The following PIGK variants were observed in gnomAD, a reference collection of about 807,000 sequenced individuals.
PIGK encodes the protein phosphatidylinositol glycan anchor biosynthesis class K.
Under a neutral mutation model 50.6 loss-of-function variants are expected in PIGK, and 42 were observed. The observed-to-expected ratio is 0.83, with a 90% CI of 0.65 to 1.07. The LOEUF (loss-of-function observed/expected upper bound fraction) is 1.07. PIGK is among the 50% of genes least tolerant of loss of function. The pLI is 0.00. For synonymous variants in PIGK, 151 were observed against 156.0 expected, an observed-to-expected ratio of 0.97 and a Z score of 0.24; for missense variants, 448 against 488.7, an observed-to-expected ratio of 0.92 and a Z score of 0.78.
At chr1:77,218,319 G>A (rs1470375484) in intron 1 of PIGK, among the ~76,000 whole-genome samples, 1 of 152,232 alleles carries the variant, frequency 6.6e-6, no homozygotes, top group African/African-American at 2.4e-5. Flanking sequence ...AGGGAGTATG[G>A]AGGCCTATGG....
chr1:77,155,408 A>G (rs1654985709), intron 8 of PIGK, among the ~76,000 whole-genome samples: 1 of 152,242 alleles, frequency 6.6e-6, no homozygotes, highest in African/African-American at 2.4e-5. Context: ...TCTATTACAT[A>G]GAATTCATAC....
chr1:77,136,513 G>A (rs965424354), intron 9 of PIGK, among the ~76,000 whole-genome samples: 8 of 144,924 alleles, frequency 5.5e-5, no homozygotes, highest in African/African-American at 1.8e-4. Context: ...TGGGCGACTG[G>A]GCGACAGAGC....
At chr1:77,172,128 C>T (rs983388229) in intron 3 of PIGK, among the ~76,000 whole-genome samples, 1 of 134,024 alleles carries the variant, frequency 7.5e-6, no homozygotes, top group Non-Finnish European at 1.6e-5. Context: ...CAAACTAAAA[C>T]GGCCTGATAA....
intron 10 of PIGK, among the ~76,000 whole-genome samples, chr1:77,112,971 A>T (rs1653887056): frequency 6.6e-6 from 1 of 152,096 alleles, no homozygotes; most frequent in East Asian, 1.9e-4. Flanking sequence ...AATATATCAG[A>T]TGCTATGTGA....
intron 10 of PIGK, among the ~76,000 whole-genome samples, chr1:77,110,959 C>T (rs139629465): frequency 0.037 from 5,659 of 152,242 alleles, 203 homozygotes; most frequent in South Asian, 0.2. Flanking sequence ...TATGAACAGA[C>T]ACTTCTCAAA....
At chr1:77,182,690 T>C (rs1209566144) in intron 3 of PIGK, among the ~76,000 whole-genome samples, 4 of 152,182 alleles carry the variant, frequency 2.6e-5, no homozygotes, top group Non-Finnish European at 4.4e-5. Flanking sequence ...TTCATTGGTT[T>C]TGGGGTTTCT....
chr1:77,138,560 G>C (rs956014773), intron 9 of PIGK, among the ~76,000 whole-genome samples: 2 of 152,178 alleles, frequency 1.3e-5, no homozygotes, highest in African/African-American at 4.8e-5. Flanking sequence ...GAAACTTTAG[G>C]TAAAGGACCC....
At chr1:77,141,409 T>C (rs912605987) in intron 9 of PIGK, among the ~76,000 whole-genome samples, 2 of 152,108 alleles carry the variant, frequency 1.3e-5, no homozygotes, top group East Asian at 1.9e-4. Flanking sequence ...GCTCTTAATA[T>C]TGAAGTTAAA....
intron 9 of PIGK, among the ~76,000 whole-genome samples, chr1:77,148,479 T>G (rs573421333): frequency 3.3e-5 from 5 of 152,286 alleles, no homozygotes; most frequent in Non-Finnish European, 7.4e-5. Flanking sequence ...TCTTCGGCAA[T>G]GACAATTTTT....
intron 5 of PIGK, among the ~76,000 whole-genome samples, chr1:77,164,972 TA>T (rs1452197130): frequency 5.3e-5 from 8 of 152,174 alleles, no homozygotes; most frequent in Admixed American, 2.0e-4. Flanking sequence ...GATCAGGTAG[TA>T]AATATTTTTG....
chr1:77,122,280 G>C lies in PIGK; in HGVS notation c.1066C>G (p.His356Asp), dbSNP rs769686064. 1 of 1,571,650 alleles carries C rather than the reference G, an allele frequency of 6.4e-7. No individual in the cohort carries two copies. The highest frequency in any genetic ancestry group is 1.7e-4 in the Middle Eastern group (1 of 5,966). The change falls in exon 10 of 11, where the codon CAC becomes GAC. Residue 356 changes from histidine (H) to aspartate (D), a missense_variant. Transcript: ENST00000370812. ...AEQLPVAQII[H>D]QKPKLKDWHP... ...GAATAAAATGAAATGCAAACCTGGT[G>C]TATTATCTGAGCTACAGGAAGTTGT...
Position 77,161,441 on chromosome 1 carries a change from A to G in PIGK, c.703-36T>C, listed in dbSNP as rs1455089673. The G allele has an allele frequency of 2.5e-6, 3 of 1,216,520 alleles. No individual in the cohort carries two copies. The East Asian group carries it at 7.0e-5, about 28-fold the overall frequency. 75.4% of individuals were successfully genotyped at this position (1,216,520 alleles called of 1,614,324 possible). A position where few individuals can be genotyped will look rare whatever the true frequency, so the allele number is the denominator to read the frequency against. ...GGGGAAAAAAAGTATTTCTAACAGT[A>G]TCATTATAACAAAATGTTTTAAATG... is the stretch of plus-strand genomic sequence containing the variant. On this transcript the variant is annotated intron_variant, in intron 7 of 10. Coordinates refer to ENST00000370812, the MANE Select transcript of PIGK (RefSeq NM_005482.3).
In PIGK at chr1:77,154,534, T is replaced by C. The variant is rs762515810; in HGVS notation, c.901A>G (p.Thr301Ala). The C allele has an allele frequency of 2.4e-5, 39 of 1,611,186 alleles. No individual in the cohort carries two copies. Among genetic ancestry groups the C allele is most frequent in the Non-Finnish European group, 3.1e-5 (36 of 1,177,636 alleles). Reference sequence around the variant, plus strand: ...TTCCGTACACTTCCAAAGAAATCAGTTATCAGTACATTTTTAGGATCCCTC... The same window carrying C: ...TTCCGTACACTTCCAAAGAAATCAGCTATCAGTACATTTTTAGGATCCCTC... The part of the protein sequence containing the change: ...FQRDPKNVLI[T>A]DFFGSVRKVE... Residue 301 changes from threonine to alanine, a missense_variant, in exon 9 of 11, where the codon ACT (threonine) becomes GCT (alanine). Physicochemically the swap from Thr to Ala is moderately conservative, Grantham distance 58. Coordinates refer to ENST00000370812, the MANE Select transcript of PIGK (RefSeq NM_005482.3).
rs1172642777 is a variant in PIGK at position 77,206,729 on chromosome 1, C to T, written c.150G>A (p.Val50=). ...AATTAAACCAGAATCGGGATGTACA[C>T]ACCTGAAGTATTAAAACAAAAACAG... ...SGHTNNWAVL[V]CTSRFWFNYR... The change falls in exon 3 of 11, where the codon GTG becomes GTA. Residue 50 remains valine, a splice_region_variant and synonymous_variant. Transcript: ENST00000370812. 3.8e-6 allele frequency: 6 copies of T among 1,592,826 alleles called. 1 individual carries two copies. Among genetic ancestry groups the T allele is most frequent in the Non-Finnish European group, 4.3e-6 (5 of 1,161,488 alleles).
rs374127533 is a variant in PIGK, at chr1:77,132,588, G to GT, written c.987-10230dup. 1.0e-3 allele frequency among the ~76,000 whole-genome samples: 157 copies of GT among 151,950 alleles called. 2 individuals carry two copies. The highest frequency in any genetic ancestry group is 3.5e-3 in the African/African-American group (146 of 41,504). ...ACTTTAAACTCAACAAGATGGTGGG[G>GT]TTTTTTGTCTGATTAATAGTCAATT... is the stretch of plus-strand genomic sequence containing the variant. On this transcript the variant is annotated intron_variant, in intron 9 of 10. Transcript: ENST00000370812.
intron 10 of PIGK, 59 bp downstream of exon 10, chr1:77,122,216 A>G: frequency 1.8e-6 from 2 of 1,115,678 alleles, no homozygotes; most frequent in Non-Finnish European, 2.7e-6. Flanking sequence ...AACAAAAGCA[A>G]TTACTTCTCA....
chr1:77,176,491 T>C lies in PIGK; in HGVS notation c.240-7096A>G, dbSNP rs372025417. Among the ~76,000 whole-genome samples the C allele has an allele frequency of 3.9e-5, 6 of 152,194 alleles. No individual in the cohort carries two copies. The East Asian group carries it at 9.6e-4, about 24-fold the overall frequency. On this transcript the variant is annotated intron_variant, in intron 3 of 10. Transcript: ENST00000370812. ...AATCATAATTATGGTTATTATGTTATTATAGACCACAGAAATTGTCCTTGT... is the reference window on the plus strand; with the variant it reads ...AATCATAATTATGGTTATTATGTTACTATAGACCACAGAAATTGTCCTTGT...
At chr1:77,216,328 A>C (rs796316707) in intron 1 of PIGK, among the ~76,000 whole-genome samples, 16 of 152,328 alleles carry the variant, frequency 1.1e-4, no homozygotes, top group African/African-American at 3.6e-4. Context: ...TTTGTGAAAT[A>C]TCATTAACAG....
At chr1:77,173,389 G>C (rs1655410227) in intron 3 of PIGK, among the ~76,000 whole-genome samples, 1 of 152,054 alleles carries the variant, frequency 6.6e-6, no homozygotes, top group Admixed American at 6.5e-5. Context: ...CAACTGGTTG[G>C]GCAGCAACTT....
Sources: gnomAD v4.1 joint callset for allele counts (sites outside exome capture counted in the v4.1 genomes callset) on GRCh38, gnomAD v4.1.1 for gene constraint, MANE v1.5 for transcripts, NCBI Gene and HGNC (gene_info 2026-07-23, HGNC 2026-07-21) for gene names.